Variants in SLC9A5 observed in about 807,000 individuals in gnomAD.
SLC9A5 encodes the protein sodium/hydrogen exchanger 5.
Under a neutral mutation model 91.7 loss-of-function variants are expected in SLC9A5, and 52 were observed. The observed-to-expected ratio is 0.57, with a 90% CI of 0.45 to 0.71. The LOEUF (loss-of-function observed/expected upper bound fraction) is 0.71. Ranked by LOEUF, SLC9A5 falls within the 30% of genes least tolerant of loss-of-function variation. The pLI is 0.00. For synonymous variants in SLC9A5, 419 were observed against 474.5 expected (o/e 0.88, Z 1.52); for missense variants, 871 against 1,158.9 (o/e 0.75, Z 3.61).
intron 2 of SLC9A5, among the ~76,000 whole-genome samples, chr16:67,253,993 C>G (rs1191198350): frequency 6.6e-6 from 1 of 152,110 alleles, no homozygotes; most frequent in Non-Finnish European, 1.5e-5. Flanking sequence ...ACCTGGTTTC[C>G]CTATTGAGGT....
At chr16:67,250,375 A>C (rs990053162) in intron 1 of SLC9A5, among the ~76,000 whole-genome samples, 5 of 152,220 alleles carry the variant, frequency 3.3e-5, no homozygotes, top group Non-Finnish European at 7.3e-5. Flanking sequence ...AGACCAAAGT[A>C]GGGACAAGTA....
chr16:67,256,406 A>T lies in SLC9A5; in HGVS notation c.912-63A>T. 8.6e-7 allele frequency: 1 copy of T among 1,162,590 alleles called. No individual in the cohort carries two copies. Among genetic ancestry groups the T allele is most frequent in the Non-Finnish European group, 1.3e-6 (1 of 782,808 alleles). The allele number at this position is 1,162,590 out of a possible 1,614,324, so 72.0% of individuals were successfully genotyped here. A position where few individuals can be genotyped will look rare whatever the true frequency, so the allele number is the denominator to read the frequency against. On this transcript the variant is annotated intron_variant, in intron 5 of 15. Transcript: ENST00000299798. This position sits in a 1 kb window ranked among gnomAD's most constrained non-coding sequence, Gnocchi z 4.1. ...ATGCCCCCTCCTGCAGTATGCTCAAACCCTGGAGGCTGAGCCCCCTGGAAC... is the reference window on the plus strand; with the variant it reads ...ATGCCCCCTCCTGCAGTATGCTCAATCCCTGGAGGCTGAGCCCCCTGGAAC...
Position 67,271,040 on chromosome 16 carries a change from T to C in SLC9A5, c.2521T>C (p.Phe841Leu). The C allele has an allele frequency of 6.2e-7, 1 of 1,612,596 alleles. No homozygotes were observed. ...TTCTGATCCACGCTCTAGCTTCGCC[T>C]TCCCACCGAGCCTGGCCAAGGCTGG... ...LPSDPRSSFA[F>L]PPSLAKAGRS... Residue 841 changes from phenylalanine (F) to leucine (L), a missense_variant, in exon 16 of 16, where the codon TTC becomes CTC. By Grantham distance (22) the Phe-to-Leu change is conservative. Transcript: ENST00000299798.
At chr16:67,268,162 C>T (rs1159624656) in intron 15 of SLC9A5, among the ~76,000 whole-genome samples, 1 of 151,088 alleles carries the variant, frequency 6.6e-6, no homozygotes, top group East Asian at 1.9e-4. Context: ...CAGGCACACA[C>T]CATCATGCCC....
At position 67,270,827 on chromosome 16, in the gene SLC9A5, G is replaced by T; in HGVS notation, c.2308G>T (p.Asp770Tyr). 6.2e-7 allele frequency: 1 copy of T among 1,614,120 alleles called. No homozygotes were observed. Among genetic ancestry groups the T allele is most frequent in the Non-Finnish European group, 8.5e-7 (1 of 1,180,008 alleles). Reference sequence around the variant, plus strand: ...GCTCCCCTGGAAGAGTGGGCAGGGGGACCTGGCAGTGTACGTGTCCTCGGA... The same window carrying T: ...GCTCCCCTGGAAGAGTGGGCAGGGGTACCTGGCAGTGTACGTGTCCTCGGA... ...KELPWKSGQG[D>Y]LAVYVSSETT... is the part of the protein sequence containing the mutation. The change falls in exon 16 of 16, where the codon GAC becomes TAC. Residue 770 changes from aspartate to tyrosine, a missense_variant. Physicochemically the swap from Asp to Tyr is radical, Grantham distance 160. Transcript: ENST00000299798. The surrounding 1 kb of genome is among the most constrained non-coding windows in gnomAD (Gnocchi z 4.3).
At position 67,256,664 on chromosome 16, in the gene SLC9A5, C is replaced by T. The variant is rs767342758; in HGVS notation, c.1107C>T (p.Ile369=). ...CTGGGCTGGTGCTGGGCACCCTCATCTTCATCCTGTTCTTCCGAGCCCTCG... is the reference window on the plus strand; with the variant it reads ...CTGGGCTGGTGCTGGGCACCCTCATTTTCATCCTGTTCTTCCGAGCCCTCG... ...WDSGLVLGTL[I]FILFFRALGV... Residue 369 remains isoleucine, a synonymous_variant, in exon 6 of 16, where the codon ATC becomes ATT. Transcript: ENST00000299798. This position sits in a 1 kb window ranked among gnomAD's most constrained non-coding sequence, Gnocchi z 4.1. 2 of 1,613,470 alleles carry T rather than the reference C, an allele frequency of 1.2e-6. No individual in the cohort carries two copies. The highest frequency in any genetic ancestry group is 8.5e-7 in the Non-Finnish European group (1 of 1,179,920).
Position 67,250,639 on chromosome 16 carries a change from C to A in SLC9A5, c.187+1438C>A, listed in dbSNP as rs1375884709. ...TCACAAGTCAAAGAAAATCCTCGAACAAGAGAAAAGGCAGAGCATTCAGGA... is the reference window on the plus strand; with the variant it reads ...TCACAAGTCAAAGAAAATCCTCGAAAAAGAGAAAAGGCAGAGCATTCAGGA... On this transcript the variant is annotated intron_variant, in intron 1 of 15. Coordinates refer to ENST00000299798, the MANE Select transcript of SLC9A5 (RefSeq NM_004594.3). 5.9e-5 allele frequency among the ~76,000 whole-genome samples: 9 copies of A among 152,170 alleles called. No homozygotes were observed. In the East Asian group the frequency reaches 1.5e-3, roughly 26 times the overall value.
At chr16:67,251,403 C>CTTTTTTTTT (rs939453669) in intron 1 of SLC9A5, among the ~76,000 whole-genome samples, 3 of 64,808 alleles carry the variant, frequency 4.6e-5, no homozygotes, top group Non-Finnish European at 8.6e-5. Context: ...AGTAGATTGT[C>CTTTTTTTTT]TTTTTTTTTT....
chr16:67,266,144 G>C lies in SLC9A5; in HGVS notation c.2137G>C (p.Glu713Gln). ...GGAGGAGGAGGAGAGCGACAGTTCAGAGACAGAGAAGGAGGACGATGAGGG... is the reference window on the plus strand; with the variant it reads ...GGAGGAGGAGGAGAGCGACAGTTCACAGACAGAGAAGGAGGACGATGAGGG... Reference protein sequence around the residue: ...EEEEEESDSSETEKEDDEGII... With the variant: ...EEEEEESDSSQTEKEDDEGII... The change falls in exon 15 of 16, where the codon GAG becomes CAG. Residue 713 changes from glutamate (E) to glutamine (Q), a missense_variant. This residue lies in a region of SLC9A5 where 295 missense variants were observed against 326.0 expected (regional missense o/e 0.90). Coordinates refer to ENST00000299798, the MANE Select transcript of SLC9A5 (RefSeq NM_004594.3). 6.2e-7 allele frequency: 1 copy of C among 1,612,020 alleles called. No individual in the cohort carries two copies. Among genetic ancestry groups the C allele is most frequent in the Middle Eastern group, 1.7e-4 (1 of 6,060 alleles).
At position 67,255,187 on chromosome 16, in the gene SLC9A5, G is replaced by A. The variant is rs375470305; in HGVS notation, c.654+3G>A. 260 of 1,612,376 alleles carry A rather than the reference G, an allele frequency of 1.6e-4. No individual in the cohort carries two copies. The highest frequency in any genetic ancestry group is 2.0e-4 in the Non-Finnish European group (241 of 1,178,862). ...TGCTCAACGATGCTGTCACCGTGGTGAGCGTGCTCAGCTGACTGCCATTCC... is the reference window on the plus strand; with the variant it reads ...TGCTCAACGATGCTGTCACCGTGGTAAGCGTGCTCAGCTGACTGCCATTCC... On this transcript the variant is annotated splice_donor_region_variant and intron_variant, in intron 3 of 15. Coordinates refer to ENST00000299798, the MANE Select transcript of SLC9A5 (RefSeq NM_004594.3). This position sits in a 1 kb window ranked among gnomAD's most constrained non-coding sequence, Gnocchi z 4.9.
At position 67,256,359 on chromosome 16, in the gene SLC9A5, GTC is replaced by G; in HGVS notation, c.912-108_912-107del. ...GCCTCCCTGGGCTTCAGCTCTGAGA[GTC>G]TGACATCCTGTAATGGGCAATGCCC... On this transcript the variant is annotated intron_variant, in intron 5 of 15. Coordinates refer to ENST00000299798, the MANE Select transcript of SLC9A5 (RefSeq NM_004594.3). This position sits in a 1 kb window ranked among gnomAD's most constrained non-coding sequence, Gnocchi z 4.1. 1 of 756,298 alleles carries G rather than the reference GTC, an allele frequency of 1.3e-6. No individual in the cohort carries two copies. 46.8% of individuals were successfully genotyped at this position (756,298 alleles called of 1,614,324 possible).
In SLC9A5 at chr16:67,258,540, C is replaced by A; in HGVS notation, c.1626+93C>A. 2 of 1,480,168 alleles carry A rather than the reference C, an allele frequency of 1.4e-6. No individual in the cohort carries two copies. Among genetic ancestry groups the A allele is most frequent in the South Asian group, 1.2e-5 (1 of 86,636 alleles). The allele number at this position is 1,480,168 out of a possible 1,614,324, so 91.7% of individuals were successfully genotyped here. Reference sequence around the variant, plus strand: ...GGGTGGCAAGCAGGCTGGCCCTGAGCAGGGAGTTGGGAATTCCTAGCTGGC... The same window carrying A: ...GGGTGGCAAGCAGGCTGGCCCTGAGAAGGGAGTTGGGAATTCCTAGCTGGC... On this transcript the variant is annotated intron_variant, in intron 10 of 15. Transcript: ENST00000299798. This position sits in a 1 kb window ranked among gnomAD's most constrained non-coding sequence, Gnocchi z 4.5.
chr16:67,257,177 C>A lies in SLC9A5; in HGVS notation c.1335+64C>A. On this transcript the variant is annotated intron_variant, in intron 7 of 15. Transcript: ENST00000299798. The surrounding 1 kb of genome is among the most constrained non-coding windows in gnomAD (Gnocchi z 5.1). ...GCAGGCCCTGGGGGAGTCTTGGAGCCTGTGGGACAGGGGCTTCTCTTCCCG... is the reference window on the plus strand; with the variant it reads ...GCAGGCCCTGGGGGAGTCTTGGAGCATGTGGGACAGGGGCTTCTCTTCCCG... 1.3e-6 allele frequency: 2 copies of A among 1,510,548 alleles called. No homozygotes were observed. The highest frequency in any genetic ancestry group is 1.8e-6 in the Non-Finnish European group (2 of 1,107,086). The allele number at this position is 1,510,548 out of a possible 1,614,324, so 93.6% of individuals were successfully genotyped here. A position where few individuals can be genotyped will look rare whatever the true frequency, so the allele number is the denominator to read the frequency against.
At chr16:67,262,454 T>A in intron 12 of SLC9A5, 1 of 319,436 alleles carries the variant, frequency 3.1e-6, no homozygotes. Flanking sequence ...GAGAGAAATT[T>A]GGAAGCAATC....
chr16:67,255,032 C>G lies in SLC9A5; in HGVS notation c.502C>G (p.Gln168Glu). ...QQAGLVAPRV[Q>E]AGLLDFLLFG... The stretch of plus-strand genomic sequence containing the variant: ...ATGTCCCTTAATAGCCCCTAGGGTG[C>G]AGGCTGGCTTACTGGACTTCCTGCT... Residue 168 changes from glutamine to glutamate, a missense_variant, in exon 3 of 16, where the codon CAG becomes GAG. Coordinates refer to ENST00000299798, the MANE Select transcript of SLC9A5 (RefSeq NM_004594.3). The surrounding 1 kb of genome is among the most constrained non-coding windows in gnomAD (Gnocchi z 4.9). The G allele has an allele frequency of 6.2e-7, 1 of 1,613,788 alleles. No homozygotes were observed.
intron 13 of SLC9A5, 61 bp downstream of exon 13, chr16:67,264,583 C>A: frequency 6.4e-7 from 1 of 1,560,498 alleles, no homozygotes; most frequent in Non-Finnish European, 8.8e-7. Flanking sequence ...CAGTTTTGAG[C>A]CCCCTAGTGT....
intron 14 of SLC9A5, among the ~76,000 whole-genome samples, chr16:67,265,433 G>A (rs1279051694): frequency 6.6e-6 from 1 of 152,034 alleles, no homozygotes. Flanking sequence ...ATTTTGTTTT[G>A]TTTTTTTGAG....
intron 13 of SLC9A5, 71 bp from the exon 14 acceptor site, chr16:67,264,969 A>C (rs1204516879): frequency 6.7e-7 from 1 of 1,497,508 alleles, no homozygotes; most frequent in Non-Finnish European, 9.3e-7. Flanking sequence ...TGTCCTGTTG[A>C]CCCCACCAGA....
rs565343475 is a variant in SLC9A5 at position 67,257,640 on chromosome 16, C to T, written c.1496+39C>T. ...CCCGAGGCTCCTTCAGCAGCAGCAG[C>T]CCCACCAGCCAGGGAAGCATGGGGG... is the stretch of plus-strand genomic sequence containing the variant. On this transcript the variant is annotated intron_variant, in intron 9 of 15. Coordinates refer to ENST00000299798, the MANE Select transcript of SLC9A5 (RefSeq NM_004594.3). This position sits in a 1 kb window ranked among gnomAD's most constrained non-coding sequence, Gnocchi z 5.1. 6.6e-5 allele frequency: 105 copies of T among 1,598,196 alleles called. No homozygotes were observed. The highest frequency in any genetic ancestry group is 5.5e-4 in the Admixed American group (33 of 59,994).
Sources: gnomAD v4.1 joint callset for allele counts (sites outside exome capture counted in the v4.1 genomes callset) on GRCh38, gnomAD v4.1.1 for gene constraint, gnomAD v4.1.1 regional missense constraint, Gnocchi (gnomAD v3.1) non-coding constraint, MANE v1.5 for transcripts, NCBI Gene and HGNC (gene_info 2026-07-23, HGNC 2026-07-21) for gene names.